The following FNDC3B variants were observed in gnomAD, a reference collection of about 807,000 sequenced individuals.
The protein encoded by FNDC3B is fibronectin type III domain containing 3B.
A neutral mutation model predicts 151.5 loss-of-function variants in FNDC3B; 12 were observed. The ratio of observed to expected loss-of-function variants is 0.08; its 90% CI spans 0.05 to 0.13. The LOEUF is 0.13. Among genes scored for constraint, FNDC3B ranks in the 10% least tolerant of loss-of-function variants. FNDC3B has a pLI of 1.00. For missense variants in FNDC3B, 1,214 were observed against 1,505.3 expected (o/e 0.81, Z 3.20); for synonymous variants, 528 against 549.0 (o/e 0.96, Z 0.54).
At chr3:172,083,032 T>C (rs927515637) in intron 1 of FNDC3B, among the ~76,000 whole-genome samples, 2 of 152,216 alleles carry the variant, frequency 1.3e-5, no homozygotes, top group Non-Finnish European at 2.9e-5. Flanking sequence ...GGTTAGAATG[T>C]TTGCAAGTGT....
At chr3:172,264,544 C>T (rs1256548106) in intron 6 of FNDC3B, among the ~76,000 whole-genome samples, 2 of 152,144 alleles carry the variant, frequency 1.3e-5, no homozygotes, top group Non-Finnish European at 2.9e-5. Flanking sequence ...TTCTCTACCC[C>T]TCTCTCCTGT....
chr3:172,202,979 C>T (rs1283245140), intron 3 of FNDC3B, among the ~76,000 whole-genome samples: 1 of 152,102 alleles, frequency 6.6e-6, no homozygotes, highest in African/African-American at 2.4e-5. Context: ...AATGTGACAA[C>T]CATTTTTAGC....
chr3:172,118,467 T>C (rs2108549752), intron 2 of FNDC3B, among the ~76,000 whole-genome samples: 1 of 152,332 alleles, frequency 6.6e-6, no homozygotes, highest in African/African-American at 2.4e-5. Context: ...AATCAGTATA[T>C]TGTAGAAAAA....
chr3:172,396,431 TTTAA>T (rs1346946296), intron 25 of FNDC3B, among the ~76,000 whole-genome samples: 11 of 152,338 alleles, frequency 7.2e-5, no homozygotes, highest in Admixed American at 2.0e-4. Context: ...TTGCTCAGTT[TTTAA>T]TTGTTTCCAT....
chr3:172,109,408 C>T (rs543750167), intron 1 of FNDC3B, among the ~76,000 whole-genome samples: 40 of 151,450 alleles, frequency 2.6e-4, no homozygotes, highest in East Asian at 1.8e-3. Context: ...CCTCGTGATC[C>T]GCCCGCCTCG....
At chr3:172,141,893 T>C (rs745717259) in intron 3 of FNDC3B, among the ~76,000 whole-genome samples, 17 of 152,208 alleles carry the variant, frequency 1.1e-4, no homozygotes, top group Non-Finnish European at 1.9e-4. Context: ...AATTTTTATT[T>C]AGTGCATTCT....
chr3:172,264,256 CA>C (rs1304014206), intron 6 of FNDC3B, among the ~76,000 whole-genome samples: 10 of 152,170 alleles, frequency 6.6e-5, no homozygotes, highest in African/African-American at 2.4e-4. Flanking sequence ...CTCGGCCTAC[CA>C]AAGGGCTGAG....
At chr3:172,148,746 G>A (rs938965362) in intron 3 of FNDC3B, among the ~76,000 whole-genome samples, 3 of 152,176 alleles carry the variant, frequency 2.0e-5, no homozygotes, top group Non-Finnish European at 4.4e-5. Context: ...TACAGTTACA[G>A]CACTGAGGAG....
intron 1 of FNDC3B, among the ~76,000 whole-genome samples, chr3:172,046,562 A>G (rs558535447): frequency 1.3e-5 from 2 of 151,954 alleles, no homozygotes; most frequent in Non-Finnish European, 2.9e-5. Flanking sequence ...GCTTGAAGCA[A>G]TCCCCCCGCT....
intron 7 of FNDC3B, 96 bp downstream of exon 7, chr3:172,286,080 G>T: frequency 1.2e-6 from 1 of 865,380 alleles, no homozygotes; most frequent in Non-Finnish European, 1.9e-6. Flanking sequence ...TAAGGAAAAG[G>T]GCTCTTTCCC....
At chr3:172,367,827 T>C (rs1560102591) in intron 23 of FNDC3B, among the ~76,000 whole-genome samples, 1 of 152,182 alleles carries the variant, frequency 6.6e-6, no homozygotes, top group Non-Finnish European at 1.5e-5. Flanking sequence ...GCCAGTGTTT[T>C]ATAAACCAAG....
At chr3:172,354,126 C>T (rs887536750) in intron 22 of FNDC3B, among the ~76,000 whole-genome samples, 5 of 151,954 alleles carry the variant, frequency 3.3e-5, no homozygotes, top group African/African-American at 1.2e-4. Context: ...GAAGGAAAAT[C>T]AATCAAAACC....
intron 2 of FNDC3B, among the ~76,000 whole-genome samples, chr3:172,126,143 C>T (rs1175996696): frequency 6.6e-6 from 1 of 151,722 alleles, no homozygotes; most frequent in East Asian, 1.9e-4. Flanking sequence ...CATTATTTGT[C>T]CCAGATGGAG....
chr3:172,051,694 T>C (rs1716661645), intron 1 of FNDC3B, among the ~76,000 whole-genome samples: 1 of 152,144 alleles, frequency 6.6e-6, no homozygotes, highest in Non-Finnish European at 1.5e-5. Flanking sequence ...ATTTGAGGCA[T>C]TTTTGTGTTT....
chr3:172,054,264 A>T (rs1020176199), intron 1 of FNDC3B, among the ~76,000 whole-genome samples: 2 of 152,160 alleles, frequency 1.3e-5, no homozygotes, highest in South Asian at 2.1e-4. Context: ...ATCTCTGAGA[A>T]CTCAGAAAGC....
rs1012123693 is a variant in FNDC3B at position 172,281,707 on chromosome 3, T to G, written c.791-4219T>G. ...TTTGTGCACTTCTGGGGCAATCTCT[T>G]GTTTAGTTGGCTCACACCAAGTACC... On this transcript the variant is annotated intron_variant, in intron 6 of 25. Transcript: ENST00000415807. 2.1e-4 allele frequency among the ~76,000 whole-genome samples: 32 copies of G among 152,294 alleles called. No homozygotes were observed. In the East Asian group the frequency reaches 5.0e-3, roughly 24 times the overall value.
intron 1 of FNDC3B, among the ~76,000 whole-genome samples, chr3:172,090,862 A>G (rs530221241): frequency 6.6e-6 from 1 of 152,312 alleles, no homozygotes; most frequent in African/African-American, 2.4e-5. Flanking sequence ...GTATAAAATT[A>G]TCTTCAGGTT....
At chr3:172,114,956 C>T (rs552605182) in intron 2 of FNDC3B, among the ~76,000 whole-genome samples, 1 of 152,256 alleles carries the variant, frequency 6.6e-6, no homozygotes, top group African/African-American at 2.4e-5. Context: ...TCCTTGGTTC[C>T]AAGCTATTAC....
intron 3 of FNDC3B, among the ~76,000 whole-genome samples, chr3:172,199,059 C>T (rs901196240): frequency 1.3e-5 from 2 of 152,176 alleles, no homozygotes; most frequent in Admixed American, 1.3e-4. Context: ...AAACTCCTGG[C>T]CTCAAATGAT....
Sources: gnomAD v4.1 joint callset for allele counts (sites outside exome capture counted in the v4.1 genomes callset) on GRCh38, gnomAD v4.1.1 for gene constraint, MANE v1.5 for transcripts, NCBI Gene and HGNC (gene_info 2026-07-23, HGNC 2026-07-21) for gene names.